UBE2W: variants seen among roughly 807,000 people sequenced by gnomAD.
The protein encoded by UBE2W is ubiquitin-conjugating enzyme E2 W.
A neutral mutation model predicts 27.2 loss-of-function variants in UBE2W; 18 were observed. The observed-to-expected ratio is 0.66, with a 90% CI of 0.46 to 0.98. The LOEUF (loss-of-function observed/expected upper bound fraction) is 0.98, where lower values mean the gene tolerates loss of function less well. Ranked by LOEUF, UBE2W falls within the 50% of genes least tolerant of loss-of-function variation. The probability of loss-of-function intolerance (pLI) is 0.00; values close to 1 mark genes in which losing one functional copy is unlikely to be tolerated. For synonymous variants in UBE2W, 53 were observed against 57.2 expected (o/e 0.93, Z 0.33); for missense variants, 90 against 180.2 (o/e 0.50, Z 2.87).
intron 4 of UBE2W, among the ~76,000 whole-genome samples, 166 bp downstream of exon 4, chr8:73,810,308 G>A (rs1441072444): frequency 6.6e-6 from 1 of 151,962 alleles, no homozygotes; most frequent in Non-Finnish European, 1.5e-5. Context: ...TGGAATGAAA[G>A]GTATCAAAAT....
chr8:73,805,458 A>AAAAAAAAACAAAAC (rs1808840790), intron 5 of UBE2W, among the ~76,000 whole-genome samples, 193 bp downstream of exon 5: 2 of 133,180 alleles, frequency 1.5e-5, no homozygotes, highest in Non-Finnish European at 3.2e-5. Context: ...CCATCTCAAA[A>AAAAAAAAACAAAAC]AAAAAAAAAA....
chr8:73,839,999 G>T (rs984122415), intron 1 of UBE2W, among the ~76,000 whole-genome samples: 4 of 151,762 alleles, frequency 2.6e-5, no homozygotes, highest in African/African-American at 7.3e-5. Flanking sequence ...GCCTCCCAAA[G>T]CACTGGGATT....
At chr8:73,870,153 A>C in intron 1 of UBE2W, 1 of 1,093,016 alleles carries the variant, frequency 9.1e-7, no homozygotes, top group Non-Finnish European at 1.4e-6. Context: ...ATTATATTTC[A>C]ATTAGAAGAA....
At chr8:73,842,120 C>T (rs1484233497) in intron 1 of UBE2W, among the ~76,000 whole-genome samples, 1 of 152,072 alleles carries the variant, frequency 6.6e-6, no homozygotes, top group Non-Finnish European at 1.5e-5. Flanking sequence ...TGCTCAGAAT[C>T]GTAGAAAGAT....
chr8:73,847,870 C>A (rs1427693494), intron 1 of UBE2W, among the ~76,000 whole-genome samples: 1 of 151,556 alleles, frequency 6.6e-6, no homozygotes, highest in Non-Finnish European at 1.5e-5. Context: ...CCATTGAACT[C>A]CAGCCTAGGC....
In UBE2W at chr8:73,786,807, A is replaced by C. The variant is rs1278492885; in HGVS notation, c.*7295T>G. 1 of 985,302 alleles carries C rather than the reference A, an allele frequency of 1.0e-6. No homozygotes were observed. The highest frequency in any genetic ancestry group is 1.2e-6 in the Non-Finnish European group (1 of 829,930). The allele number at this position is 985,302 out of a possible 1,614,324, so 61.0% of individuals were successfully genotyped here. Reference sequence around the variant, plus strand: ...AAGTTACACTCAACAGGACTTGAAAAATGCAAGGAGAGGACTACTGAGTAT... The same window carrying C: ...AAGTTACACTCAACAGGACTTGAAACATGCAAGGAGAGGACTACTGAGTAT... On this transcript the variant is annotated 3_prime_UTR_variant, in exon 6 of 6. Transcript: ENST00000602593.
At chr8:73,817,195 G>A (rs1809428430) in intron 3 of UBE2W, among the ~76,000 whole-genome samples, 1 of 151,810 alleles carries the variant, frequency 6.6e-6, no homozygotes, top group South Asian at 2.1e-4. Context: ...GGGTGTGGTG[G>A]TGCACGCTTG....
At chr8:73,838,500 G>A (rs1355981379) in intron 1 of UBE2W, among the ~76,000 whole-genome samples, 1 of 152,128 alleles carries the variant, frequency 6.6e-6, no homozygotes, top group Non-Finnish European at 1.5e-5. Context: ...AGCACTTTAG[G>A]AGGCCAAGGC....
At position 73,807,798 on chromosome 8, in the gene UBE2W, C is replaced by T. The variant is rs148216947; in HGVS notation, c.367-2072G>A. The stretch of plus-strand genomic sequence containing the variant: ...AAAAAGAAATACTCAATTCTATTTG[C>T]TTAAATCATTTATCTCCCTGACAAA... On this transcript the variant is annotated intron_variant, in intron 4 of 5. Coordinates refer to ENST00000602593, the MANE Select transcript of UBE2W (RefSeq NM_018299.6). 1.1e-3 allele frequency among the ~76,000 whole-genome samples: 165 copies of T among 152,238 alleles called. 5 individuals are homozygous for T. In the East Asian group the frequency reaches 0.025, roughly 23 times the overall value.
rs1346000767 is a variant in UBE2W at position 73,805,465 on chromosome 8, A to ACAAAAC, written c.442+185_442+186insGTTTTG. Among the ~76,000 whole-genome samples, 31 of 135,856 alleles carry ACAAAAC rather than the reference A, an allele frequency of 2.3e-4. 3 individuals carry two copies. The highest frequency in any genetic ancestry group is 3.0e-4 in the Non-Finnish European group (19 of 62,388). The allele number at this position is 135,856 out of a possible 152,430, so 89.1% of individuals were successfully genotyped here. A position where few individuals can be genotyped will look rare whatever the true frequency, so the allele number is the denominator to read the frequency against. ...GCAAAACTCCATCTCAAAAAAAAAA[A>ACAAAAC]AAAAAACAAAAAAAACTAGGGTAAT... On this transcript the variant is annotated intron_variant, in intron 5 of 5. Coordinates refer to ENST00000602593, the MANE Select transcript of UBE2W (RefSeq NM_018299.6).
chr8:73,840,805 G>C, intron 1 of UBE2W, among the ~76,000 whole-genome samples: 1 of 152,138 alleles, frequency 6.6e-6, no homozygotes, highest in South Asian at 2.1e-4. Flanking sequence ...TGGACACACA[G>C]AGTTCAAACT....
In UBE2W at chr8:73,793,025, TACTC is replaced by T. The variant is rs534496861; in HGVS notation, c.*1073_*1076del. On this transcript the variant is annotated 3_prime_UTR_variant, in exon 6 of 6. Coordinates refer to ENST00000602593, the MANE Select transcript of UBE2W (RefSeq NM_018299.6). ...GGTACAGGATTAAAGGACAAGATGATACTCACAAGTAAAGAAAATTTACAAGAAA... is the reference window on the plus strand; with the variant it reads ...GGTACAGGATTAAAGGACAAGATGATACAAGTAAAGAAAATTTACAAGAAA... 8 of 985,458 alleles carry T rather than the reference TACTC, an allele frequency of 8.1e-6. No homozygotes were observed. In the East Asian group the frequency reaches 3.4e-4, roughly 42 times the overall value. The allele number at this position is 985,458 out of a possible 1,614,324, so 61.0% of individuals were successfully genotyped here. A position where few individuals can be genotyped will look rare whatever the true frequency, so the allele number is the denominator to read the frequency against.
intron 3 of UBE2W, among the ~76,000 whole-genome samples, chr8:73,821,268 C>T (rs1809600010): frequency 6.6e-6 from 1 of 151,978 alleles, no homozygotes; most frequent in African/African-American, 2.4e-5. Context: ...GATGAATCTA[C>T]CTCCCCTAAC....
At chr8:73,805,504 A>G (rs73322670) in intron 5 of UBE2W, 147 bp downstream of exon 5, 5,155 of 321,234 alleles carry the variant, frequency 0.016, 261 homozygotes, top group African/African-American at 0.092. Flanking sequence ...TCCATTAAAT[A>G]TATTAGAATA....
intron 1 of UBE2W, among the ~76,000 whole-genome samples, chr8:73,875,242 C>T (rs556031526): frequency 6.6e-6 from 1 of 152,098 alleles, no homozygotes; most frequent in Non-Finnish European, 1.5e-5. Context: ...GTAGAGCGTC[C>T]CCAGCATTTA....
At chr8:73,834,702 A>C (rs766175598) in intron 1 of UBE2W, among the ~76,000 whole-genome samples, 2 of 152,186 alleles carry the variant, frequency 1.3e-5, no homozygotes, top group Non-Finnish European at 2.9e-5. Context: ...TGAGGTCAGG[A>C]GTTCAAGACT....
At chr8:73,873,655 C>G (rs1212819565) in intron 1 of UBE2W, among the ~76,000 whole-genome samples, 1 of 151,990 alleles carries the variant, frequency 6.6e-6, no homozygotes, top group East Asian at 1.9e-4. Context: ...GACCCTGTCT[C>G]AGAGAGAAAA....
At chr8:73,847,876 T>TA (rs1171340814) in intron 1 of UBE2W, among the ~76,000 whole-genome samples, 1 of 149,430 alleles carries the variant, frequency 6.7e-6, no homozygotes, top group African/African-American at 2.5e-5. Flanking sequence ...AACTCCAGCC[T>TA]AGGCAACAAG....
intron 1 of UBE2W, among the ~76,000 whole-genome samples, chr8:73,861,535 T>C (rs1045027555): frequency 1.3e-5 from 2 of 152,184 alleles, no homozygotes; most frequent in African/African-American, 4.8e-5. Context: ...TCTCAACTCC[T>C]GGCTCCAAGC....
Sources: allele counts gnomAD v4.1 joint callset (sites outside exome capture counted in the v4.1 genomes callset), GRCh38; gene constraint gnomAD v4.1.1; transcripts MANE v1.5; gene names NCBI Gene and HGNC (gene_info 2026-07-23, HGNC 2026-07-21).